PACRG: variants seen among roughly 807,000 people sequenced by gnomAD.
PACRG encodes parkin coregulated, also known as parkin coregulated gene protein.
A neutral mutation model predicts 29.7 loss-of-function variants in PACRG; 29 were observed. That is an observed-to-expected ratio of 0.98 (90% CI 0.73 to 1.33). The LOEUF (loss-of-function observed/expected upper bound fraction) is 1.33, where lower values mean the gene tolerates loss of function less well. PACRG is among the 40% of genes most tolerant of loss of function. PACRG has a pLI of 0.00. For missense variants in PACRG, 279 were observed against 316.2 expected, an observed-to-expected ratio of 0.88 and a Z score of 0.89; for synonymous variants, 116 against 118.7, an observed-to-expected ratio of 0.98 and a Z score of 0.15.
intron 3 of PACRG, among the ~76,000 whole-genome samples, chr6:163,070,601 T>C (rs1405274259): frequency 6.6e-6 from 1 of 151,920 alleles, no homozygotes; most frequent in African/African-American, 2.4e-5. Context: ...GAAAATTACC[T>C]TCCTTCACTA....
At chr6:162,754,714 T>C (rs1243711080) in intron 1 of PACRG, among the ~76,000 whole-genome samples, 1 of 152,224 alleles carries the variant, frequency 6.6e-6, no homozygotes, top group Non-Finnish European at 1.5e-5. Flanking sequence ...CACCATTTAT[T>C]GAAGAGATTG....
intron 2 of PACRG, among the ~76,000 whole-genome samples, chr6:163,021,295 C>A (rs1214740670): frequency 1.3e-5 from 2 of 152,238 alleles, no homozygotes; most frequent in Non-Finnish European, 2.9e-5. Flanking sequence ...TGGCCCCCAT[C>A]TGGGTTGATC....
chr6:162,963,326 A>C (rs1467323069), intron 2 of PACRG, among the ~76,000 whole-genome samples: 7 of 152,146 alleles, frequency 4.6e-5, no homozygotes. Flanking sequence ...GTAGGCAAAT[A>C]TCAAAGTTTG....
chr6:163,279,000 G>A (rs1315147794), intron 4 of PACRG, among the ~76,000 whole-genome samples: 1 of 152,090 alleles, frequency 6.6e-6, no homozygotes, highest in Admixed American at 6.6e-5. Context: ...TGTCATCTAT[G>A]ATTTCTTTCA....
At chr6:162,918,348 A>G (rs1016316413) in intron 2 of PACRG, among the ~76,000 whole-genome samples, 2 of 152,240 alleles carry the variant, frequency 1.3e-5, no homozygotes, top group African/African-American at 4.8e-5. Flanking sequence ...AATAATGAAT[A>G]TCAAACCAAT....
At chr6:162,926,388 C>T (rs1021792047) in intron 2 of PACRG, among the ~76,000 whole-genome samples, 1 of 152,116 alleles carries the variant, frequency 6.6e-6, no homozygotes. Flanking sequence ...CATCACACTA[C>T]CTGACTTCAA....
At chr6:163,039,159 G>T (rs1010115910) in intron 2 of PACRG, among the ~76,000 whole-genome samples, 1 of 152,070 alleles carries the variant, frequency 6.6e-6, no homozygotes. Flanking sequence ...GAGATTTTAT[G>T]GTTTAAAAGT....
At chr6:163,007,179 TAA>T (rs1805194871) in intron 2 of PACRG, among the ~76,000 whole-genome samples, 1 of 152,160 alleles carries the variant, frequency 6.6e-6, no homozygotes, top group Admixed American at 6.5e-5. Flanking sequence ...ATATATAGTA[TAA>T]AAACATGGAA....
At chr6:162,794,152 G>T (rs764222984) in intron 1 of PACRG, among the ~76,000 whole-genome samples, 35 of 151,932 alleles carry the variant, frequency 2.3e-4, no homozygotes, top group Non-Finnish European at 4.1e-4. Context: ...GAATTTTTTT[G>T]TCATCTAGTA....
At chr6:163,154,971 G>GAA (rs35717831) in intron 4 of PACRG, among the ~76,000 whole-genome samples, 10 of 146,106 alleles carry the variant, frequency 6.8e-5, no homozygotes, top group East Asian at 4.0e-4. Context: ...ATTAAATGTG[G>GAA]AAAAAAAAAA....
chr6:163,021,152 G>A (rs1354788987), intron 2 of PACRG, among the ~76,000 whole-genome samples: 3 of 152,116 alleles, frequency 2.0e-5, no homozygotes, highest in South Asian at 2.1e-4. Flanking sequence ...CACACCTCCA[G>A]ACACCTCCCG....
chr6:162,738,548 A>T (rs1199501419), intron 1 of PACRG, among the ~76,000 whole-genome samples: 4 of 152,176 alleles, frequency 2.6e-5, no homozygotes, highest in East Asian at 1.9e-4. Flanking sequence ...CTGTTTGTGC[A>T]CTTGCTCTTG....
chr6:162,948,722 CA>C, intron 2 of PACRG, among the ~76,000 whole-genome samples: 2 of 151,870 alleles, frequency 1.3e-5, no homozygotes, highest in Non-Finnish European at 1.5e-5. Context: ...TTAAAATGGG[CA>C]AAAAATCCAA....
intron 4 of PACRG, among the ~76,000 whole-genome samples, chr6:163,203,220 C>T (rs1780777532): frequency 6.6e-6 from 1 of 152,082 alleles, no homozygotes; most frequent in Non-Finnish European, 1.5e-5. Flanking sequence ...CAAGACCAGC[C>T]TGGCCAACGT....
At chr6:163,072,731 A>G (rs896983237) in intron 3 of PACRG, among the ~76,000 whole-genome samples, 9 of 152,150 alleles carry the variant, frequency 5.9e-5, no homozygotes, top group Non-Finnish European at 1.3e-4. Flanking sequence ...CCAAAAAACT[A>G]TTAGACCTAA....
intron 2 of PACRG, among the ~76,000 whole-genome samples, chr6:163,041,874 G>T (rs1808761105): frequency 6.6e-6 from 1 of 152,054 alleles, no homozygotes; most frequent in Non-Finnish European, 1.5e-5. Flanking sequence ...GTTTTGTTTT[G>T]TTTTGTTTGA....
At chr6:163,081,699 T>A (rs1043940993) in intron 3 of PACRG, among the ~76,000 whole-genome samples, 17 of 151,960 alleles carry the variant, frequency 1.1e-4, no homozygotes, top group African/African-American at 4.1e-4. Flanking sequence ...TAAGCTATAG[T>A]GGGCTATGAT....
In PACRG at chr6:163,235,436, G is replaced by A. The variant is rs111739680; in HGVS notation, c.614-79391G>A. Among the ~76,000 whole-genome samples the A allele has an allele frequency of 7.4e-3, 1,127 of 152,270 alleles. 7 individuals carry two copies. Among genetic ancestry groups the A allele is most frequent in the Non-Finnish European group, 0.012 (797 of 68,010 alleles). On this transcript the variant is annotated intron_variant, in intron 4 of 4. Transcript: ENST00000366888. ...AAATGTCACTTGACTGAGAGGAGGT[G>A]GTGTTGGTGACTAGAAAATGTATGT...
chr6:163,219,600 C>T (rs771703581), intron 4 of PACRG, among the ~76,000 whole-genome samples: 49 of 152,120 alleles, frequency 3.2e-4, no homozygotes, highest in Non-Finnish European at 5.4e-4. Context: ...CTCCCCACTG[C>T]GGCCTGCAGT....
Sources: gnomAD v4.1 joint callset for allele counts (sites outside exome capture counted in the v4.1 genomes callset) on GRCh38, gnomAD v4.1.1 for gene constraint, MANE v1.5 for transcripts, NCBI Gene and HGNC (gene_info 2026-07-23, HGNC 2026-07-21) for gene names.